Variants in CPA4 observed in about 807,000 individuals in gnomAD.
CPA4 encodes the protein carboxypeptidase A3.
Under a neutral mutation model 54.7 loss-of-function variants are expected in CPA4, and 49 were observed. The observed-to-expected ratio is 0.90, with a 90% CI of 0.71 to 1.14. CPA4 has a LOEUF of 1.14. Ranked by LOEUF, CPA4 falls within the 50% of genes most tolerant of loss-of-function variation. The probability of loss-of-function intolerance (pLI) is 0.00; values close to 1 mark genes in which losing one functional copy is unlikely to be tolerated. For synonymous variants in CPA4, 215 were observed against 206.8 expected (o/e 1.04, Z -0.34); for missense variants, 487 against 525.1 (o/e 0.93, Z 0.71).
In CPA4 at chr7:130,299,421, T is replaced by C. The variant is rs2117134327; in HGVS notation, c.285+17T>C. On this transcript the variant is annotated intron_variant, in intron 3 of 10. Transcript: ENST00000222482. ...GACCTGCAGGTAGGTAGACTATGCCTCCTGCCTCCTGCTCTTGCATAGGAC... is the reference window on the plus strand; with the variant it reads ...GACCTGCAGGTAGGTAGACTATGCCCCCTGCCTCCTGCTCTTGCATAGGAC... The C allele has an allele frequency of 6.2e-7, 1 of 1,611,268 alleles. No individual in the cohort carries two copies. Among genetic ancestry groups the C allele is most frequent in the Middle Eastern group, 1.7e-4 (1 of 5,882 alleles).
chr7:130,322,646 C>G lies in CPA4; in HGVS notation c.1236C>G (p.Ile412Met). 1 of 1,614,098 alleles carries G rather than the reference C, an allele frequency of 6.2e-7. No homozygotes were observed. Among genetic ancestry groups the G allele is most frequent in the Non-Finnish European group, 8.5e-7 (1 of 1,179,982 alleles). The change falls in exon 11 of 11, where the codon ATC (isoleucine) becomes ATG (methionine). Residue 412 changes from isoleucine (I) to methionine (M), a missense_variant. Ile to Met is a conservative substitution (Grantham distance 10, BLOSUM62 1). Coordinates refer to ENST00000222482, the MANE Select transcript of CPA4 (RefSeq NM_016352.4). The stretch of plus-strand genomic sequence containing the variant: ...AGACGTGGCTGGGGCTGAAGACCAT[C>G]ATGGAGCATGTGCGGGACAACCTCT... The part of the protein sequence containing the change: ...AEETWLGLKT[I>M]MEHVRDNLY
At position 130,306,795 on chromosome 7, in the gene CPA4, T is replaced by C. The variant is rs34549855; in HGVS notation, c.600T>C (p.Ser200=). The change falls in exon 7 of 11, where the codon TCT becomes TCC. Residue 200 remains serine, a synonymous_variant. Coordinates refer to ENST00000222482, the MANE Select transcript of CPA4 (RefSeq NM_016352.4). ...ATATTGTCTCTGCTTAGATTGTATC[T>C]GATTACCAGAGGGATCCAGCTATCA... The part of the protein sequence containing the change: ...TAIWTARKIV[S]DYQRDPAITS... 2 of 1,594,196 alleles carry C rather than the reference T, an allele frequency of 1.3e-6. No homozygotes were observed. Among genetic ancestry groups the C allele is most frequent in the African/African-American group, 1.3e-5 (1 of 74,656 alleles).
At chr7:130,294,050 A>G (rs1266000989) in intron 1 of CPA4, among the ~76,000 whole-genome samples, 2 of 152,196 alleles carry the variant, frequency 1.3e-5, no homozygotes, top group Admixed American at 6.5e-5. Context: ...ATAATACTTT[A>G]CCATTTGCAA....
intron 9 of CPA4, 134 bp from the exon 10 acceptor site, chr7:130,311,904 G>A (rs867790705): frequency 2.8e-5 from 19 of 680,706 alleles, no homozygotes; most frequent in East Asian, 8.1e-5. Context: ...GGCACTGGGC[G>A]AAGGGGAAAC....
At chr7:130,305,655 C>G (rs186514307) in intron 5 of CPA4, among the ~76,000 whole-genome samples, 161 bp from the exon 6 acceptor site, 1 of 152,312 alleles carries the variant, frequency 6.6e-6, no homozygotes, top group Non-Finnish European at 1.5e-5. Flanking sequence ...AATTAAGCTT[C>G]CAAGTCACGG....
At chr7:130,303,794 ATT>A (rs10560933) in intron 4 of CPA4, among the ~76,000 whole-genome samples, 3,801 of 144,592 alleles carry the variant, frequency 0.026, 152 homozygotes, top group African/African-American at 0.089. Context: ...GCAGCTGCCT[ATT>A]TTTTTTTTTT....
intron 4 of CPA4, among the ~76,000 whole-genome samples, chr7:130,302,807 G>A (rs898364751): frequency 6.6e-6 from 1 of 152,088 alleles, no homozygotes; most frequent in Non-Finnish European, 1.5e-5. Context: ...CCCATTCCTA[G>A]CTCTCAAGTT....
In CPA4 at chr7:130,322,568, C is replaced by T. The variant is rs143728099; in HGVS notation, c.1158C>T (p.Thr386=). The stretch of plus-strand genomic sequence containing the variant: ...CATTCACATTTGAGTTGAGAGATAC[C>T]GGGACCTATGGCTTCCTCCTGCCAG... ...KFAFTFELRD[T]GTYGFLLPAN... is the part of the protein sequence containing the mutation. The change falls in exon 11 of 11, where the codon ACC becomes ACT. Residue 386 remains threonine (T), a synonymous_variant. Transcript: ENST00000222482. 928 of 1,614,126 alleles carry T rather than the reference C, an allele frequency of 5.7e-4. 11 individuals are homozygous for T. Among genetic ancestry groups the T allele is most frequent in the South Asian group, 5.1e-3 (462 of 91,072 alleles).
chr7:130,297,350 C>T lies in CPA4; in HGVS notation c.69-1396C>T, dbSNP rs60164246. Among the ~76,000 whole-genome samples, 278 of 152,254 alleles carry T rather than the reference C, an allele frequency of 1.8e-3. 3 individuals carry two copies. The highest frequency in any genetic ancestry group is 6.8e-3 in the Middle Eastern group (2 of 294). ...GCCTCATCTTCCCAGGGCGGTAGGT[C>T]CAACTCTTGGCAAGCCTGTTGGGTT... On this transcript the variant is annotated intron_variant, in intron 1 of 10. Transcript: ENST00000222482.
At chr7:130,297,432 A>G (rs565239428) in intron 1 of CPA4, among the ~76,000 whole-genome samples, 1 of 152,296 alleles carries the variant, frequency 6.6e-6, no homozygotes, top group African/African-American at 2.4e-5. Context: ...CAGTGCCCAC[A>G]GGGTGCAGTT....
chr7:130,320,237 C>T (rs920092844), intron 10 of CPA4, among the ~76,000 whole-genome samples: 6 of 152,114 alleles, frequency 3.9e-5, no homozygotes, highest in Admixed American at 2.6e-4. Context: ...TGCAGAACAG[C>T]GTTAATAGTG....
In CPA4 at chr7:130,312,081, C is replaced by A. The variant is rs372282809; in HGVS notation, c.1037C>A (p.Ser346Ter). 1 of 1,613,964 alleles carries A rather than the reference C, an allele frequency of 6.2e-7. No homozygotes were observed. The highest frequency in any genetic ancestry group is 8.5e-7 in the Non-Finnish European group (1 of 1,179,982). ...RLAAKALASV[S>*]GTEYQVGPTC... ...GCGGCCAAAGCTCTGGCTTCTGTGT[C>A]GGGCACTGAGTACCAAGTGGGTCCC... The change falls in exon 10 of 11, where the codon TCG (serine) becomes TAG (stop). Residue 346 changes from serine (S) to a stop codon, truncating the protein, a stop_gained. Coordinates refer to ENST00000222482, the MANE Select transcript of CPA4 (RefSeq NM_016352.4). LOFTEE classifies it high-confidence loss of function.
At chr7:130,294,100 C>A (rs1793614048) in intron 1 of CPA4, among the ~76,000 whole-genome samples, 1 of 152,152 alleles carries the variant, frequency 6.6e-6, no homozygotes, top group African/African-American at 2.4e-5. Flanking sequence ...CACACAACAA[C>A]TTTGCCAGGC....
chr7:130,316,084 G>T (rs1308025473), intron 10 of CPA4, among the ~76,000 whole-genome samples: 4 of 152,160 alleles, frequency 2.6e-5, no homozygotes, highest in Admixed American at 2.6e-4. Flanking sequence ...GGGATATGTT[G>T]TATGAGGGGA....
Position 130,293,265 on chromosome 7 carries a change from CTTA to C in CPA4, c.68+23_68+25del. On this transcript the variant is annotated intron_variant, in intron 1 of 10. Transcript: ENST00000222482. ...ATTTTTTGGGTAAGTTCCTTTTGGACTTATTATTTGGTTATTTCAGAAATATGG... is the reference window on the plus strand; with the variant it reads ...ATTTTTTGGGTAAGTTCCTTTTGGACTTATTTGGTTATTTCAGAAATATGG... The C allele has an allele frequency of 6.7e-7, 1 of 1,487,274 alleles. No individual in the cohort carries two copies. The highest frequency in any genetic ancestry group is 9.4e-7 in the Non-Finnish European group (1 of 1,064,852). The allele number at this position is 1,487,274 out of a possible 1,614,324, so 92.1% of individuals were successfully genotyped here. A position where few individuals can be genotyped will look rare whatever the true frequency, so the allele number is the denominator to read the frequency against.
In CPA4 at chr7:130,310,953, C is replaced by G; in HGVS notation, c.960C>G (p.Tyr320Ter). The G allele has an allele frequency of 1.2e-6, 2 of 1,614,138 alleles. No homozygotes were observed. The highest frequency in any genetic ancestry group is 1.7e-6 in the Non-Finnish European group (2 of 1,180,036). The change falls in exon 9 of 11, where the codon TAC becomes TAG. Residue 320 changes from tyrosine (Y) to a stop codon, truncating the protein, a stop_gained. Coordinates refer to ENST00000222482, the MANE Select transcript of CPA4 (RefSeq NM_016352.4). LOFTEE classifies it high-confidence loss of function. The surrounding 1 kb of genome is among the most constrained non-coding windows in gnomAD (Gnocchi z 4.3). Reference protein sequence around the residue: ...YSQLLMYPYGYSVKKAPDAEE... With the variant: ...YSQLLMYPYG ...AGCTGCTGATGTATCCATATGGGTA[C>G]TCAGTCAAAAAGGCCCCAGATGCCG...
At chr7:130,312,962 A>G (rs979055170) in intron 10 of CPA4, among the ~76,000 whole-genome samples, 1 of 152,150 alleles carries the variant, frequency 6.6e-6, no homozygotes, top group African/African-American at 2.4e-5. Flanking sequence ...GGTCACGCTG[A>G]CATTACCCAC....
intron 3 of CPA4, 121 bp from the exon 4 acceptor site, chr7:130,300,695 G>T: frequency 1.5e-6 from 1 of 647,252 alleles, no homozygotes; most frequent in East Asian, 2.6e-5. Flanking sequence ...CTTGACATTT[G>T]TGCTGCTTGA....
At chr7:130,302,885 AC>A (rs1441226873) in intron 4 of CPA4, among the ~76,000 whole-genome samples, 1 of 152,006 alleles carries the variant, frequency 6.6e-6, no homozygotes, top group African/African-American at 2.4e-5. Context: ...AGCCTGTAGC[AC>A]CCAAGGCAGA....
Sources: allele counts gnomAD v4.1 joint callset (sites outside exome capture counted in the v4.1 genomes callset), GRCh38; gene constraint gnomAD v4.1.1; non-coding constraint Gnocchi (gnomAD v3.1); transcripts MANE v1.5; gene names NCBI Gene and HGNC (gene_info 2026-07-23, HGNC 2026-07-21).